The following CNTNAP2 variants were observed in gnomAD, a reference collection of about 807,000 sequenced individuals.
The protein encoded by CNTNAP2 is contactin associated protein 2, also known as contactin-associated protein-like 2.
Under a neutral mutation model 155.2 loss-of-function variants are expected in CNTNAP2, and 98 were observed. The observed-to-expected ratio is 0.63, with a 90% confidence interval of 0.54 to 0.75. CNTNAP2 has a LOEUF of 0.75. Ranked by LOEUF, CNTNAP2 falls within the 30% of genes least tolerant of loss-of-function variation. The pLI, the probability that CNTNAP2 is intolerant of heterozygous loss-of-function variation, is 0.00. For synonymous variants in CNTNAP2, 651 were observed against 631.2 expected (o/e 1.03, Z -0.47); for missense variants, 1,727 against 1,688.1 (o/e 1.02, Z -0.40).
intron 11 of CNTNAP2, among the ~76,000 whole-genome samples, chr7:147,507,540 C>G (rs1360579932): frequency 2.2e-5 from 3 of 136,458 alleles, no homozygotes; most frequent in Non-Finnish European, 3.1e-5. Flanking sequence ...AAGTTGCTTT[C>G]TCTTTCTTTC....
At chr7:148,075,696 G>T (rs1428134501) in intron 15 of CNTNAP2, among the ~76,000 whole-genome samples, 1 of 152,174 alleles carries the variant, frequency 6.6e-6, no homozygotes, top group Admixed American at 6.5e-5. Flanking sequence ...TTTGCCTCTG[G>T]TTGCTGTCAT....
chr7:146,319,049 A>G (rs1239366867), intron 1 of CNTNAP2, among the ~76,000 whole-genome samples: 1 of 152,004 alleles, frequency 6.6e-6, no homozygotes, highest in Non-Finnish European at 1.5e-5. Context: ...AACATGTCTT[A>G]GGGGTGGGAT....
intron 1 of CNTNAP2, among the ~76,000 whole-genome samples, chr7:146,177,513 A>C (rs1240639704): frequency 1.3e-5 from 2 of 152,206 alleles, no homozygotes; most frequent in African/African-American, 4.8e-5. Context: ...AACTGAAAAA[A>C]ACAGCAGTAA....
At chr7:147,465,857 G>A (rs1798111090) in intron 10 of CNTNAP2, among the ~76,000 whole-genome samples, 1 of 152,156 alleles carries the variant, frequency 6.6e-6, no homozygotes, top group Non-Finnish European at 1.5e-5. Context: ...CTTTTTAAGA[G>A]TTGGGGCAAA....
In CNTNAP2 at chr7:146,542,071, A is replaced by G. The variant is rs568487569; in HGVS notation, c.98-232200A>G. 6.6e-5 allele frequency among the ~76,000 whole-genome samples: 10 copies of G among 152,046 alleles called. No homozygotes were observed. In the East Asian group the frequency reaches 1.7e-3, roughly 27 times the overall value. ...AATGAGGTGAAGTGTGTCTACCACAAAGTGTCGGCAAGCCAGGGAAAGTCA... is the reference window on the plus strand; with the variant it reads ...AATGAGGTGAAGTGTGTCTACCACAGAGTGTCGGCAAGCCAGGGAAAGTCA... On this transcript the variant is annotated intron_variant, in intron 1 of 23. Transcript: ENST00000361727.
intron 1 of CNTNAP2, among the ~76,000 whole-genome samples, chr7:146,653,581 T>G (rs929633890): frequency 2.0e-5 from 3 of 152,218 alleles, no homozygotes; most frequent in African/African-American, 7.2e-5. Context: ...GTTACATTTT[T>G]AAAATTAGAC....
At chr7:147,625,365 C>A (rs1275508252) in intron 12 of CNTNAP2, among the ~76,000 whole-genome samples, 1 of 151,626 alleles carries the variant, frequency 6.6e-6, no homozygotes, top group Non-Finnish European at 1.5e-5. Context: ...CTCATGTACC[C>A]CATAAATATA....
intron 1 of CNTNAP2, among the ~76,000 whole-genome samples, chr7:146,716,175 A>C (rs344472): frequency 0.049 from 7,456 of 150,936 alleles, 290 homozygotes; most frequent in African/African-American, 0.1. Context: ...CTGACCTGAG[A>C]ATTGTATGGC....
chr7:146,945,168 G>A (rs1488826261), intron 3 of CNTNAP2, among the ~76,000 whole-genome samples: 1 of 152,144 alleles, frequency 6.6e-6, no homozygotes, highest in Non-Finnish European at 1.5e-5. Flanking sequence ...GTGTAAAAAC[G>A]ATCTTGTCTG....
chr7:148,220,354 G>A (rs1451172943), intron 19 of CNTNAP2, among the ~76,000 whole-genome samples: 3 of 152,092 alleles, frequency 2.0e-5, no homozygotes, highest in Non-Finnish European at 1.5e-5. Flanking sequence ...CGCCCGCCTC[G>A]GCCTTCCAAA....
intron 1 of CNTNAP2, among the ~76,000 whole-genome samples, chr7:146,298,979 A>G (rs1230726312): frequency 6.6e-6 from 1 of 152,192 alleles, no homozygotes; most frequent in Admixed American, 6.5e-5. Context: ...TGTGAATATT[A>G]AAAGAAATAA....
intron 1 of CNTNAP2, among the ~76,000 whole-genome samples, chr7:146,720,829 C>G (rs73168724): frequency 0.034 from 5,057 of 148,242 alleles, 123 homozygotes; most frequent in East Asian, 0.12. Context: ...CTTTTGAAAG[C>G]TATTATTTAG....
chr7:148,204,589 TTTCTA>T (rs1795416684), intron 18 of CNTNAP2, among the ~76,000 whole-genome samples: 1 of 152,226 alleles, frequency 6.6e-6, no homozygotes, highest in African/African-American at 2.4e-5. Flanking sequence ...TGGTTTTTCT[TTTCTA>T]TTAAGATCTT....
chr7:146,232,747 G>C (rs527953258), intron 1 of CNTNAP2, among the ~76,000 whole-genome samples: 3 of 151,972 alleles, frequency 2.0e-5, no homozygotes, highest in Non-Finnish European at 4.4e-5. Context: ...TTATGTGCCT[G>C]ACACCTTAGG....
At position 148,178,739 on chromosome 7, in the gene CNTNAP2, C is replaced by T. The variant is rs1401555798; in HGVS notation, c.3010+6261C>T. On this transcript the variant is annotated intron_variant, in intron 18 of 23. Coordinates refer to ENST00000361727, the MANE Select transcript of CNTNAP2 (RefSeq NM_014141.6). ...TCTTAAGGATACCTTGAAAATCACA[C>T]AGAATAATGTGAATGAATTTCCACA... is the stretch of plus-strand genomic sequence containing the variant. Among the ~76,000 whole-genome samples, 4 of 152,222 alleles carry T rather than the reference C, an allele frequency of 2.6e-5. No individual in the cohort carries two copies. The East Asian group carries it at 5.8e-4, about 22-fold the overall frequency.
chr7:146,971,310 A>G (rs1797792282), intron 3 of CNTNAP2, among the ~76,000 whole-genome samples: 1 of 152,208 alleles, frequency 6.6e-6, no homozygotes, highest in African/African-American at 2.4e-5. Context: ...AGCTTAATTT[A>G]TCCTAAAGCA....
intron 21 of CNTNAP2, among the ~76,000 whole-genome samples, chr7:148,288,174 A>T (rs1231746856): frequency 6.8e-6 from 1 of 147,524 alleles, no homozygotes; most frequent in African/African-American, 2.5e-5. Flanking sequence ...ATCTTGGCTC[A>T]CTGCAAGCTC....
rs535097849 is a variant in CNTNAP2, at chr7:147,117,370, A to T, written c.755-3609A>T. Among the ~76,000 whole-genome samples, 41 of 152,188 alleles carry T rather than the reference A, an allele frequency of 2.7e-4. No individual in the cohort carries two copies. The South Asian group carries it at 6.2e-3, about 23-fold the overall frequency. ...GTTTCTTGGGGTCACATAGTCACTC[A>T]CTGCTTCCCTTGGCAGGGGTTGGGG... On this transcript the variant is annotated intron_variant, in intron 5 of 23. Coordinates refer to ENST00000361727, the MANE Select transcript of CNTNAP2 (RefSeq NM_014141.6).
At chr7:147,189,996 G>A (rs1358477372) in intron 8 of CNTNAP2, among the ~76,000 whole-genome samples, 3 of 151,986 alleles carry the variant, frequency 2.0e-5, no homozygotes, top group East Asian at 1.9e-4. Flanking sequence ...CACCCGCCTC[G>A]GCCTCCCAAA....
Sources: gnomAD v4.1 joint callset for allele counts (sites outside exome capture counted in the v4.1 genomes callset) on GRCh38, gnomAD v4.1.1 for gene constraint, MANE v1.5 for transcripts, NCBI Gene and HGNC (gene_info 2026-07-23, HGNC 2026-07-21) for gene names.